The following PRAG1 variants were observed in gnomAD, a reference collection of about 807,000 sequenced individuals.
PRAG1 encodes the protein inactive tyrosine-protein kinase PRAG1.
A neutral mutation model predicts 95.6 loss-of-function variants in PRAG1; 110 were observed. That is an observed-to-expected ratio of 1.15 (90% CI 0.99 to 1.35). PRAG1 has a LOEUF of 1.35. Among genes scored for constraint, PRAG1 ranks in the 40% most tolerant of loss-of-function variants. PRAG1 has a pLI of 0.00. For missense variants in PRAG1, 2,554 were observed against 1,864.7 expected (o/e 1.37, Z -6.81); for synonymous variants, 1,052 against 819.4 (o/e 1.28, Z -4.85).
intron 4 of PRAG1, among the ~76,000 whole-genome samples, chr8:8,335,606 G>A (rs907884305): frequency 6.6e-5 from 10 of 152,078 alleles, no homozygotes; most frequent in African/African-American, 2.4e-4. Context: ...TCAGTTTAAC[G>A]GGGAAGGTTT....
At chr8:8,370,270 A>AACT (rs879868522) in intron 3 of PRAG1, among the ~76,000 whole-genome samples, 2 of 152,356 alleles carry the variant, frequency 1.3e-5, no homozygotes, top group African/African-American at 4.8e-5. Context: ...GAAACAGGCC[A>AACT]ACTATGAATT....
At chr8:8,357,081 C>A (rs978579127) in intron 3 of PRAG1, among the ~76,000 whole-genome samples, 1 of 151,986 alleles carries the variant, frequency 6.6e-6, no homozygotes, top group Non-Finnish European at 1.5e-5. Flanking sequence ...TAAAATTCCT[C>A]GTGGAAAACA....
chr8:8,379,084 GGTGAGGGGTGGCTTCTGAACTGGATCAGA>G (rs1481136512), intron 2 of PRAG1, among the ~76,000 whole-genome samples: 5 of 151,754 alleles, frequency 3.3e-5, no homozygotes, highest in African/African-American at 1.2e-4. Flanking sequence ...ACTGGATCAG[GGTGAGGGGTGGCTTCTGAACTGGATCAGA>G]GTGAGGGGTG....
Position 8,376,649 on chromosome 8 carries a change from G to C in PRAG1, c.1760C>G (p.Pro587Arg), listed in dbSNP as rs1262326515. The C allele has an allele frequency of 1.2e-6, 2 of 1,608,672 alleles. No homozygotes were observed. The highest frequency in any genetic ancestry group is 2.7e-5 in the African/African-American group (2 of 74,896). The change falls in exon 3 of 6, where the codon CCT (proline) becomes CGT (arginine). Residue 587 changes from proline (P) to arginine (R), a missense_variant. Transcript: ENST00000615670. ...GGGGTCAGCAGGACCTTGGGATGGA[G>C]GCTGGGGCCCAATGCTGCTGCCGCC... The part of the protein sequence containing the change: ...SSGGSSIGPQ[P>R]PSQGPADPAP...
intron 3 of PRAG1, among the ~76,000 whole-genome samples, chr8:8,347,493 A>G (rs532242524): frequency 6.6e-6 from 1 of 152,316 alleles, no homozygotes; most frequent in East Asian, 1.9e-4. Context: ...TCTAAAATAC[A>G]CTAAGTTTCT....
chr8:8,365,805 T>TAC lies in PRAG1; in HGVS notation c.2162+10440_2162+10441dup, dbSNP rs1554510049. Among the ~76,000 whole-genome samples, 769 of 149,866 alleles carry TAC rather than the reference T, an allele frequency of 5.1e-3. 6 individuals are homozygous for TAC. The highest frequency in any genetic ancestry group is 0.018 in the African/African-American group (721 of 40,752). On this transcript the variant is annotated intron_variant, in intron 3 of 5. Coordinates refer to ENST00000615670, the MANE Select transcript of PRAG1 (RefSeq NM_001080826.3). Reference sequence around the variant, plus strand: ...TGGTGAAACCCTATATATATATATATACACACACATATATATATACAAAAA... The same window carrying TAC: ...TGGTGAAACCCTATATATATATATATACACACACACATATATATATACAAAAA...
At chr8:8,384,007 C>T (rs960638941) in intron 1 of PRAG1, among the ~76,000 whole-genome samples, 12 of 152,338 alleles carry the variant, frequency 7.9e-5, no homozygotes, top group Middle Eastern at 3.4e-3. Context: ...GTCCAGCCCA[C>T]CTCCACTGCA....
chr8:8,327,993 G>A lies in PRAG1; in HGVS notation c.2789C>T (p.Ser930Phe), dbSNP rs772626535. Residue 930 changes from serine (S) to phenylalanine (F), a missense_variant, in exon 5 of 6, where the codon TCC becomes TTC. Ser to Phe is a radical substitution (Grantham distance 155, BLOSUM62 -2). Transcript: ENST00000615670. ...SSQLSVSSQA[S>F]TGSTQLQLHG... ...CAGCTGAAGCTGGGTGCTCCCGGTG[G>A]AGGCTTGACTGGACACGCTCAGCTG... The A allele has an allele frequency of 6.3e-7, 1 of 1,595,012 alleles. No individual in the cohort carries two copies.
rs1800853530 is a variant in PRAG1, at chr8:8,386,381, A to G, written c.-148T>C. ...TCCGAGCCGCCAGCCGCCCGGCCGG[A>G]GCATTGTTCGCAGAAGGTCTGCGCG... is the stretch of plus-strand genomic sequence containing the variant. On this transcript the variant is annotated 5_prime_UTR_variant, in exon 1 of 6. Transcript: ENST00000615670. The G allele has an allele frequency of 6.6e-6, 1 of 151,842 alleles. No individual in the cohort carries two copies. The highest frequency in any genetic ancestry group is 1.5e-5 in the Non-Finnish European group (1 of 67,978). The allele number at this position is 151,842 out of a possible 1,614,324, so 9.4% of individuals were successfully genotyped here.
rs529056598 is a variant in PRAG1, at chr8:8,328,431, G to A, written c.2351C>T (p.Thr784Ile). 1 of 1,613,718 alleles carries A rather than the reference G, an allele frequency of 6.2e-7. No homozygotes were observed. Among genetic ancestry groups the A allele is most frequent in the Admixed American group, 1.7e-5 (1 of 60,014 alleles). The change falls in exon 5 of 6, where the codon ACC (threonine) becomes ATC (isoleucine). Residue 784 changes from threonine (T) to isoleucine (I), a missense_variant. By Grantham distance (89) the Thr-to-Ile change is moderately conservative. Transcript: ENST00000615670. ...AGCAAAGAGCTTCTTCCCGCTGTTG[G>A]TGGGCGAGTGAGCCAGCTCAGACGA... The part of the protein sequence containing the change: ...GPSSELAHSP[T>I]NSGKKLFAPV...
intron 3 of PRAG1, among the ~76,000 whole-genome samples, chr8:8,358,723 C>G (rs969169755): frequency 2.0e-5 from 3 of 152,238 alleles, no homozygotes; most frequent in Non-Finnish European, 4.4e-5. Flanking sequence ...CGAGAGCACA[C>G]TGAACAAAGA....
intron 3 of PRAG1, among the ~76,000 whole-genome samples, chr8:8,353,031 T>C (rs1471884000): frequency 6.6e-6 from 1 of 152,128 alleles, no homozygotes; most frequent in African/African-American, 2.4e-5. Context: ...CAATTGTAAA[T>C]ACATATGTAC....
chr8:8,320,617 G>A (rs936148875), intron 5 of PRAG1, among the ~76,000 whole-genome samples: 1 of 152,204 alleles, frequency 6.6e-6, no homozygotes, highest in Non-Finnish European at 1.5e-5. Context: ...GAAAGACAAA[G>A]ATCAATGTGT....
rs56351643 is a variant in PRAG1, at chr8:8,376,425, G to T, written c.1984C>A (p.Pro662Thr). 1.5e-3 allele frequency: 2,403 copies of T among 1,614,118 alleles called. 28 individuals carry two copies. In the African/African-American group the frequency reaches 0.023, roughly 15 times the overall value. ...HSWGRETKNGPTDHSNSTTWH... is the reference protein window; with the variant it reads ...HSWGRETKNGTTDHSNSTTWH... ...GTCGTGGAGTTTGAATGGTCCGTGG[G>T]GCCATTTTTGGTCTCTCTTCCCCAG... The change falls in exon 3 of 6, where the codon CCC (proline) becomes ACC (threonine). Residue 662 changes from proline (P) to threonine (T), a missense_variant. By Grantham distance (38) the Pro-to-Thr change is conservative (BLOSUM62 -1). Coordinates refer to ENST00000615670, the MANE Select transcript of PRAG1 (RefSeq NM_001080826.3).
intron 2 of PRAG1, among the ~76,000 whole-genome samples, chr8:8,379,926 T>C (rs1293873892): frequency 2.6e-5 from 4 of 152,160 alleles, no homozygotes; most frequent in African/African-American, 2.4e-5. Flanking sequence ...TTAGATAATA[T>C]TAAGGAATTA....
chr8:8,348,161 C>T (rs1046100642), intron 3 of PRAG1, among the ~76,000 whole-genome samples: 3 of 152,194 alleles, frequency 2.0e-5, no homozygotes, highest in Admixed American at 6.5e-5. Flanking sequence ...AAGTAATCCA[C>T]CTGCCTTGGC....
At chr8:8,326,838 A>G (rs979988468) in intron 5 of PRAG1, among the ~76,000 whole-genome samples, 48 of 152,340 alleles carry the variant, frequency 3.2e-4, no homozygotes, top group African/African-American at 1.0e-3. Context: ...TTTGAGCCTC[A>G]GATCCTCCAT....
intron 1 of PRAG1, among the ~76,000 whole-genome samples, chr8:8,384,226 C>T (rs1244139075): frequency 6.6e-6 from 1 of 152,088 alleles, no homozygotes; most frequent in East Asian, 1.9e-4. Context: ...CAAGTAAGAA[C>T]ACAAACTTGT....
chr8:8,321,938 A>G (rs1654396208), intron 5 of PRAG1, among the ~76,000 whole-genome samples: 2 of 152,204 alleles, frequency 1.3e-5, no homozygotes, highest in African/African-American at 4.8e-5. Flanking sequence ...TCATTAACCC[A>G]CCAGTATTCA....
Sources: allele counts gnomAD v4.1 joint callset (sites outside exome capture counted in the v4.1 genomes callset), GRCh38; gene constraint gnomAD v4.1.1; transcripts MANE v1.5; gene names NCBI Gene and HGNC (gene_info 2026-07-23, HGNC 2026-07-21).